Variants in C9 observed in about 807,000 individuals in gnomAD.
The protein encoded by C9 is complement C9.
Under a neutral mutation model 65.4 loss-of-function variants are expected in C9, and 63 were observed. The ratio of observed to expected loss-of-function variants is 0.96; its 90% CI spans 0.79 to 1.19. The LOEUF (loss-of-function observed/expected upper bound fraction) is 1.19, where lower values mean the gene tolerates loss of function less well. Ranked by LOEUF, C9 falls within the 50% of genes most tolerant of loss-of-function variation. C9 has a pLI of 0.00. For synonymous variants in C9, 229 were observed against 227.9 expected (o/e 1.00, Z -0.04); for missense variants, 744 against 670.1 (o/e 1.11, Z -1.22).
chr5:39,356,560 G>C (rs1404538955), intron 1 of C9, among the ~76,000 whole-genome samples: 1 of 152,230 alleles, frequency 6.6e-6, no homozygotes, highest in African/African-American at 2.4e-5. Flanking sequence ...GTCAAATTAG[G>C]CAAAAATAAA....
rs145434331 is a variant in C9 at position 39,341,247 on chromosome 5, G to T, written c.375C>A (p.Cys125Ter). ...MRLRCNGDNDCGDFSDEDDCE... is the reference protein window; with the variant it reads ...MRLRCNGDND ...AATCATCCTCATCTGAAAAGTCTCC[G>T]CAGTCATTGTCACCATTACACCGAA... Residue 125 changes from cysteine to a stop codon, truncating the protein, a stop_gained, in exon 4 of 11, where the codon TGC becomes TGA. Transcript: ENST00000263408. LOFTEE classifies it high-confidence loss of function. 1.9e-6 allele frequency: 3 copies of T among 1,614,102 alleles called. No individual in the cohort carries two copies. The highest frequency in any genetic ancestry group is 2.5e-6 in the Non-Finnish European group (3 of 1,179,982).
rs568955315 is a variant in C9 at position 39,349,602 on chromosome 5, G to A, written c.78-7406C>T. ...TCTTGAGAAAGTAGTGAGCACCCTC[G>A]TCTCTTGTTTCCTACATCCCAACAC... On this transcript the variant is annotated intron_variant, in intron 1 of 10. Transcript: ENST00000263408. Among the ~76,000 whole-genome samples, 232 of 152,118 alleles carry A rather than the reference G, an allele frequency of 1.5e-3. 1 individual carries two copies. Among genetic ancestry groups the A allele is most frequent in the African/African-American group, 4.0e-3 (164 of 41,500 alleles).
At position 39,285,244 on chromosome 5, in the gene C9, C is replaced by A; in HGVS notation, c.1646-11G>T. 6.2e-7 allele frequency: 1 copy of A among 1,610,038 alleles called. No individual in the cohort carries two copies. The highest frequency in any genetic ancestry group is 8.5e-7 in the Non-Finnish European group (1 of 1,176,462). Reference sequence around the variant, plus strand: ...CTAGGGCTGGCAATCCTAGAGAAAACAAATAAGTATCAAATCTTAATCATC... The same window carrying A: ...CTAGGGCTGGCAATCCTAGAGAAAAAAAATAAGTATCAAATCTTAATCATC... On this transcript the variant is annotated splice_polypyrimidine_tract_variant and intron_variant, in intron 10 of 10. Transcript: ENST00000263408.
intron 5 of C9, among the ~76,000 whole-genome samples, chr5:39,317,813 C>A (rs763158539): frequency 5.3e-5 from 8 of 151,816 alleles, no homozygotes; most frequent in Non-Finnish European, 1.2e-4. Flanking sequence ...TTAGAATTAT[C>A]TTGGCTATAT....
intron 1 of C9, among the ~76,000 whole-genome samples, chr5:39,347,983 C>T (rs1104178): frequency 0.95 from 133,460 of 140,212 alleles, 63,677 homozygotes; most frequent in Non-Finnish European, 0.98. Context: ...AAAGCTGAAA[C>T]TGGATCCCTT....
chr5:39,330,348 T>C (rs1293600915), intron 5 of C9, among the ~76,000 whole-genome samples: 2 of 152,182 alleles, frequency 1.3e-5, no homozygotes, highest in Non-Finnish European at 1.5e-5. Flanking sequence ...GGGAAAGCAG[T>C]GCTTCCTTTC....
rs1224237395 is a variant in C9 at position 39,315,902 on chromosome 5, G to C, written c.743C>G (p.Thr248Arg). ...AISLKFTPTE[T>R]NKAEQCCEET... ...CTCACAACATTGTTCAGCTTTATTT[G>C]TTTCAGTGGGTGTAAATTTTAGAGA... Residue 248 changes from threonine to arginine, a missense_variant, in exon 6 of 11, where the codon ACA (threonine) becomes AGA (arginine). By Grantham distance (71) the Thr-to-Arg change is moderately conservative. Transcript: ENST00000263408. 6.2e-7 allele frequency: 1 copy of C among 1,613,074 alleles called. No individual in the cohort carries two copies. Among genetic ancestry groups the C allele is most frequent in the Admixed American group, 1.7e-5 (1 of 60,012 alleles).
At chr5:39,357,721 T>C (rs556348230) in intron 1 of C9, among the ~76,000 whole-genome samples, 1 of 152,162 alleles carries the variant, frequency 6.6e-6, no homozygotes, top group Admixed American at 6.5e-5. Context: ...GTGTGGTGCT[T>C]TTAAAATATG....
At chr5:39,362,965 C>G (rs1754548154) in intron 1 of C9, among the ~76,000 whole-genome samples, 1 of 152,116 alleles carries the variant, frequency 6.6e-6, no homozygotes, top group Non-Finnish European at 1.5e-5. Context: ...TTCCGGTCCT[C>G]CCTGAAACAG....
At chr5:39,346,218 T>C (rs1466706410) in intron 1 of C9, among the ~76,000 whole-genome samples, 2 of 151,946 alleles carry the variant, frequency 1.3e-5, no homozygotes, top group Non-Finnish European at 1.5e-5. Flanking sequence ...TTCAAAAAAT[T>C]AATGAATCCA....
intron 1 of C9, among the ~76,000 whole-genome samples, chr5:39,360,221 A>G (rs1446130457): frequency 6.6e-6 from 1 of 152,156 alleles, no homozygotes. Flanking sequence ...TGTATTTATC[A>G]TCTCACTTAA....
Position 39,331,669 on chromosome 5 carries a change from G to C in C9, c.615+7C>G. ...TGAACAATGTGTTTTCCTCCGAGGAGACTTACTTCATAGATCAAAGAAGCC... is the reference window on the plus strand; with the variant it reads ...TGAACAATGTGTTTTCCTCCGAGGACACTTACTTCATAGATCAAAGAAGCC... On this transcript the variant is annotated splice_region_variant and intron_variant, in intron 5 of 10. Coordinates refer to ENST00000263408, the MANE Select transcript of C9 (RefSeq NM_001737.5). 6.2e-7 allele frequency: 1 copy of C among 1,613,462 alleles called. No homozygotes were observed. Among genetic ancestry groups the C allele is most frequent in the Middle Eastern group, 1.6e-4 (1 of 6,062 alleles).
At chr5:39,309,573 G>A (rs1288990510) in intron 7 of C9, among the ~76,000 whole-genome samples, 1 of 152,136 alleles carries the variant, frequency 6.6e-6, no homozygotes, top group Non-Finnish European at 1.5e-5. Context: ...TTATCCTTAA[G>A]AAGTGTGAGG....
intron 10 of C9, among the ~76,000 whole-genome samples, chr5:39,286,448 AG>A (rs1439476299): frequency 6.6e-6 from 1 of 152,082 alleles, no homozygotes; most frequent in Non-Finnish European, 1.5e-5. Flanking sequence ...CTATAAAGGT[AG>A]GAAAATAATC....
intron 6 of C9, among the ~76,000 whole-genome samples, chr5:39,312,009 G>A (rs1009633314): frequency 8.5e-5 from 13 of 152,098 alleles, no homozygotes; most frequent in Admixed American, 2.6e-4. Context: ...GATAAATCTG[G>A]TCAGTGGTCA....
At chr5:39,288,417 T>C (rs191725504) in intron 10 of C9, among the ~76,000 whole-genome samples, 13 of 151,948 alleles carry the variant, frequency 8.6e-5, no homozygotes, top group Admixed American at 3.9e-4. Context: ...TCATCAATTC[T>C]ATATAGTGAA....
chr5:39,290,696 G>A (rs1487488007), intron 9 of C9, among the ~76,000 whole-genome samples: 1 of 151,812 alleles, frequency 6.6e-6, no homozygotes, highest in East Asian at 1.9e-4. Flanking sequence ...AAATCCAAGA[G>A]GTGGGCCCAG....
At chr5:39,316,945 C>A (rs1044738310) in intron 5 of C9, among the ~76,000 whole-genome samples, 47 of 152,284 alleles carry the variant, frequency 3.1e-4, no homozygotes, top group African/African-American at 1.1e-3. Context: ...AATAGTTGAA[C>A]CAATTTACAC....
At chr5:39,359,891 C>T (rs563903584) in intron 1 of C9, among the ~76,000 whole-genome samples, 9 of 152,266 alleles carry the variant, frequency 5.9e-5, no homozygotes, top group Admixed American at 1.3e-4. Context: ...CTGGCTCATT[C>T]GACAAAGTTG....
Sources: allele counts gnomAD v4.1 joint callset (sites outside exome capture counted in the v4.1 genomes callset), GRCh38; gene constraint gnomAD v4.1.1; transcripts MANE v1.5; gene names NCBI Gene and HGNC (gene_info 2026-07-23, HGNC 2026-07-21).